BCKDHB: variants seen among roughly 807,000 people sequenced by gnomAD.
BCKDHB encodes the protein 2-oxoisovalerate dehydrogenase subunit beta, mitochondrial.
BCKDHB carries 41 observed loss-of-function variants against 48.5 expected under a neutral mutation model. The observed-to-expected ratio is 0.85, with a 90% CI of 0.66 to 1.10. BCKDHB has a LOEUF of 1.10. Among genes scored for constraint, BCKDHB ranks in the 50% least tolerant of loss-of-function variants. The probability of loss-of-function intolerance (pLI) is 0.00; values close to 1 mark genes in which losing one functional copy is unlikely to be tolerated. For missense variants in BCKDHB, 496 were observed against 494.2 expected (o/e 1.00, Z -0.03); for synonymous variants, 201 against 174.8 (o/e 1.15, Z -1.18).
At chr6:80,238,942 A>G (rs1202297631) in intron 8 of BCKDHB, among the ~76,000 whole-genome samples, 2 of 152,060 alleles carry the variant, frequency 1.3e-5, no homozygotes, top group Non-Finnish European at 2.9e-5. Flanking sequence ...ATCCTTTTTT[A>G]TGGCTGCATA....
At chr6:80,404,141 G>A in the BCKDHB span, among the ~76,000 whole-genome samples, 1 of 151,962 alleles carries the variant, frequency 6.6e-6, no homozygotes, top group African/African-American at 2.4e-5. Flanking sequence ...AAGAGTTTGA[G>A]CAGCATTGAC....
intron 8 of BCKDHB, among the ~76,000 whole-genome samples, chr6:80,246,755 C>A (rs888447423): frequency 6.6e-6 from 1 of 152,082 alleles, no homozygotes; most frequent in African/African-American, 2.4e-5. Context: ...TGTGGAGACA[C>A]CCCCTTAGTC....
At chr6:80,367,085 C>G in the BCKDHB span, among the ~76,000 whole-genome samples, 5 of 152,268 alleles carry the variant, frequency 3.3e-5, no homozygotes, top group Non-Finnish European at 7.3e-5. Flanking sequence ...TTTATTGATC[C>G]TCTCAGGCTT....
intron 8 of BCKDHB, among the ~76,000 whole-genome samples, chr6:80,203,588 T>G (rs1262716785): frequency 2.0e-5 from 3 of 152,064 alleles, no homozygotes; most frequent in Non-Finnish European, 4.4e-5. Flanking sequence ...GTAAATTAAG[T>G]GATTTGGCTG....
intron 7 of BCKDHB, among the ~76,000 whole-genome samples, chr6:80,202,879 TTCTC>T (rs1486079389): frequency 6.6e-6 from 1 of 152,240 alleles, no homozygotes; most frequent in Admixed American, 6.6e-5. Context: ...TGGTACTGAC[TTCTC>T]TCTCTAAGCA....
the BCKDHB span, among the ~76,000 whole-genome samples, chr6:80,417,556 T>C: frequency 1.2e-3 from 189 of 152,326 alleles, 8 homozygotes; most frequent in South Asian, 0.037. Context: ...TCCTCAGCAT[T>C]TGCTTGTCTG....
chr6:80,134,214 C>G (rs865848594), intron 3 of BCKDHB, among the ~76,000 whole-genome samples: 20 of 152,232 alleles, frequency 1.3e-4, no homozygotes, highest in Middle Eastern at 3.4e-3. Flanking sequence ...CTGAGGACCT[C>G]CTGAATTAGT....
the BCKDHB span, chr6:80,355,529 T>C: frequency 6.6e-6 from 1 of 151,984 alleles, no homozygotes; most frequent in African/African-American, 2.4e-5. Flanking sequence ...GAGAACAGTA[T>C]AGTAAAAGTC....
At chr6:80,328,876 G>A (rs781335567) in intron 9 of BCKDHB, among the ~76,000 whole-genome samples, 1 of 151,920 alleles carries the variant, frequency 6.6e-6, no homozygotes, top group African/African-American at 2.4e-5. Flanking sequence ...TTCTCTCCAC[G>A]GTAGATTCCT....
chr6:80,422,410 G>T, the BCKDHB span, among the ~76,000 whole-genome samples: 1 of 152,210 alleles, frequency 6.6e-6, no homozygotes, highest in African/African-American at 2.4e-5. Context: ...AGAGGGAAAA[G>T]GTGGGGTTGG....
chr6:80,331,051 A>T (rs1480597443), intron 9 of BCKDHB, among the ~76,000 whole-genome samples: 1 of 152,170 alleles, frequency 6.6e-6, no homozygotes, highest in Non-Finnish European at 1.5e-5. Flanking sequence ...TTATATTGTT[A>T]ATGCCACAGA....
chr6:80,121,011 C>A (rs1224477668), intron 1 of BCKDHB, among the ~76,000 whole-genome samples: 3 of 152,142 alleles, frequency 2.0e-5, no homozygotes, highest in Non-Finnish European at 4.4e-5. Context: ...ACATTTAAGT[C>A]TTTAATCCAT....
intron 1 of BCKDHB, among the ~76,000 whole-genome samples, chr6:80,120,373 A>G (rs1303728147): frequency 6.6e-6 from 1 of 152,098 alleles, no homozygotes; most frequent in Non-Finnish European, 1.5e-5. Flanking sequence ...TTGGATATAT[A>G]CCCAGTAATG....
Position 80,257,363 on chromosome 6 carries a change from A to T in BCKDHB, c.952-15772A>T, listed in dbSNP as rs1018953792. ...TATACACACACACACACACACTTATATTGTGTATGTGTATATATACATATA... is the reference window on the plus strand; with the variant it reads ...TATACACACACACACACACACTTATTTTGTGTATGTGTATATATACATATA... On this transcript the variant is annotated intron_variant, in intron 8 of 9. Transcript: ENST00000320393. Among the ~76,000 whole-genome samples the T allele has an allele frequency of 2.2e-4, 33 of 149,948 alleles. 2 individuals carry two copies. Among genetic ancestry groups the T allele is most frequent in the Non-Finnish European group, 1.5e-5 (1 of 67,630 alleles).
At chr6:80,377,616 C>A in the BCKDHB span, among the ~76,000 whole-genome samples, 1 of 152,148 alleles carries the variant, frequency 6.6e-6, no homozygotes, top group Non-Finnish European at 1.5e-5. Flanking sequence ...TGGCCTGACA[C>A]CCTTGTTGGA....
chr6:80,233,705 A>G (rs1403051374), intron 8 of BCKDHB, among the ~76,000 whole-genome samples: 1 of 152,182 alleles, frequency 6.6e-6, no homozygotes, highest in Non-Finnish European at 1.5e-5. Context: ...ATGGAGCTCT[A>G]CTGTAGGGAC....
the BCKDHB span, among the ~76,000 whole-genome samples, chr6:80,394,472 G>T: frequency 6.6e-6 from 1 of 150,562 alleles, no homozygotes; most frequent in Non-Finnish European, 1.5e-5. Flanking sequence ...GTTTACTTCT[G>T]CTCCCTGTGC....
At chr6:80,459,134 T>A in the BCKDHB span, among the ~76,000 whole-genome samples, 1 of 152,146 alleles carries the variant, frequency 6.6e-6, no homozygotes, top group Non-Finnish European at 1.5e-5. Context: ...TCTGGGTATT[T>A]ATCCAAAAGA....
rs150965301 is a variant in BCKDHB at position 80,277,149 on chromosome 6, G to A, written c.1038+3928G>A. 1.3e-4 allele frequency among the ~76,000 whole-genome samples: 20 copies of A among 152,056 alleles called. No individual in the cohort carries two copies. In the East Asian group the frequency reaches 2.3e-3, roughly 18 times the overall value. On this transcript the variant is annotated intron_variant, in intron 9 of 9. Coordinates refer to ENST00000320393, the MANE Select transcript of BCKDHB (RefSeq NM_183050.4). ...TTTAGGGAGTCATGAATTGTGCACC[G>A]TAATTTGTGGAAAAGTGCAATGACT...
Sources: gnomAD v4.1 joint callset for allele counts (sites outside exome capture counted in the v4.1 genomes callset) on GRCh38, gnomAD v4.1.1 for gene constraint, MANE v1.5 for transcripts, NCBI Gene and HGNC (gene_info 2026-07-23, HGNC 2026-07-21) for gene names.